Variants in NUP88 observed in about 807,000 individuals in gnomAD.
The protein encoded by NUP88 is nuclear pore complex protein Nup88.
In NUP88, 57 loss-of-function variants were observed where a neutral mutation model predicts 93.9. The ratio of observed to expected loss-of-function variants is 0.61; its 90% CI spans 0.49 to 0.76. The LOEUF (loss-of-function observed/expected upper bound fraction) is 0.76. Among genes scored for constraint, NUP88 ranks in the 30% least tolerant of loss-of-function variants. NUP88 has a pLI of 0.00. For synonymous variants in NUP88, 346 were observed against 336.8 expected (o/e 1.03, Z -0.30); for missense variants, 911 against 901.0 (o/e 1.01, Z -0.14).
At chr17:5,388,667 T>C (rs1043902543) in intron 11 of NUP88, 135 bp downstream of exon 11, 1 of 742,066 alleles carries the variant, frequency 1.3e-6, no homozygotes, top group Non-Finnish European at 2.1e-6. Context: ...CACTAGCTGA[T>C]CAAATATATC....
intron 6 of NUP88, among the ~76,000 whole-genome samples, chr17:5,404,846 C>G (rs904185632): frequency 6.6e-6 from 1 of 152,218 alleles, no homozygotes; most frequent in Non-Finnish European, 1.5e-5. Context: ...AACATGCAGA[C>G]TGGTGGACCA....
chr17:5,387,679 A>T lies in NUP88; in HGVS notation c.1770-9T>A. On this transcript the variant is annotated splice_polypyrimidine_tract_variant and intron_variant, in intron 12 of 16. Coordinates refer to ENST00000573584, the MANE Select transcript of NUP88 (RefSeq NM_002532.6). Reference sequence around the variant, plus strand: ...CACATAATAATTTGACCCTTTAAAAACAAAAAGAAATAGAGTTTATTCAGA... The same window carrying T: ...CACATAATAATTTGACCCTTTAAAATCAAAAAGAAATAGAGTTTATTCAGA... 1 of 1,611,338 alleles carries T rather than the reference A, an allele frequency of 6.2e-7. No individual in the cohort carries two copies. Among genetic ancestry groups the T allele is most frequent in the Non-Finnish European group, 8.5e-7 (1 of 1,178,720 alleles).
In NUP88 at chr17:5,410,690, A is replaced by C. The variant is rs1913786468; in HGVS notation, c.680+13T>G. ...AATTAAAAAACCATTTCAAGACTCA[A>C]ATAAAAACTTACCCTTTATTGAGTA... On this transcript the variant is annotated intron_variant, in intron 4 of 16. Transcript: ENST00000573584. 4 of 1,512,602 alleles carry C rather than the reference A, an allele frequency of 2.6e-6. No homozygotes were observed. Among genetic ancestry groups the C allele is most frequent in the Non-Finnish European group, 3.6e-6 (4 of 1,101,220 alleles). The allele number at this position is 1,512,602 out of a possible 1,614,324, so 93.7% of individuals were successfully genotyped here. A position where few individuals can be genotyped will look rare whatever the true frequency, so the allele number is the denominator to read the frequency against.
At chr17:5,388,579 C>T (rs1912205325) in intron 11 of NUP88, 3 of 426,338 alleles carry the variant, frequency 7.0e-6, no homozygotes, top group Non-Finnish European at 8.3e-6. Flanking sequence ...TGAGCCACCA[C>T]GCCCGGCCTA....
intron 3 of NUP88, among the ~76,000 whole-genome samples, chr17:5,412,965 A>C (rs1913927003): frequency 6.6e-6 from 1 of 152,150 alleles, no homozygotes; most frequent in East Asian, 1.9e-4. Flanking sequence ...TGATCCCACA[A>C]AACACAGGTC....
chr17:5,410,199 TTCC>T (rs1280095833), intron 4 of NUP88, among the ~76,000 whole-genome samples: 9 of 152,242 alleles, frequency 5.9e-5, no homozygotes, highest in Non-Finnish European at 1.2e-4. Flanking sequence ...TTTCATTTTC[TTCC>T]TAATACTTTG....
intron 1 of NUP88, 26 bp from the exon 2 acceptor site, chr17:5,416,708 CAT>C (rs774906170): frequency 6.3e-7 from 1 of 1,576,424 alleles, no homozygotes; most frequent in South Asian, 1.2e-5. Context: ...AACCAGTCAA[CAT>C]AGTTAATTTT....
Position 5,386,011 on chromosome 17 carries a change from G to A in NUP88, c.*195C>T. 1.9e-6 allele frequency: 1 copy of A among 530,524 alleles called. No homozygotes were observed. Among genetic ancestry groups the A allele is most frequent in the African/African-American group, 2.0e-5 (1 of 50,820 alleles). The allele number at this position is 530,524 out of a possible 1,614,324, so 32.9% of individuals were successfully genotyped here. A position where few individuals can be genotyped will look rare whatever the true frequency, so the allele number is the denominator to read the frequency against. On this transcript the variant is annotated 3_prime_UTR_variant, in exon 17 of 17. Coordinates refer to ENST00000573584, the MANE Select transcript of NUP88 (RefSeq NM_002532.6). Reference sequence around the variant, plus strand: ...CCTTGCTGAACACAACTGTAGGCTTGAGTTATAAAGCACATTCCAAATTTT... The same window carrying A: ...CCTTGCTGAACACAACTGTAGGCTTAAGTTATAAAGCACATTCCAAATTTT...
chr17:5,415,065 G>C (rs1914060535), intron 2 of NUP88, among the ~76,000 whole-genome samples: 2 of 151,576 alleles, frequency 1.3e-5, no homozygotes, highest in Admixed American at 1.3e-4. Context: ...TGTGGCCCAA[G>C]CTGGAGTGCA....
chr17:5,407,853 C>T (rs1913588321), intron 5 of NUP88, among the ~76,000 whole-genome samples: 3 of 152,066 alleles, frequency 2.0e-5, no homozygotes, highest in Admixed American at 2.0e-4. Flanking sequence ...GTTCTATTAC[C>T]ACCCAAGTTC....
intron 6 of NUP88, 106 bp from the exon 7 acceptor site, chr17:5,404,352 C>T: frequency 5.2e-6 from 6 of 1,143,708 alleles, no homozygotes; most frequent in Non-Finnish European, 7.6e-6. Flanking sequence ...GCTGTTCTTG[C>T]CTGTAATCCC....
At chr17:5,414,221 GTT>G in intron 2 of NUP88, 87 bp from the exon 3 acceptor site, 1 of 1,233,472 alleles carries the variant, frequency 8.1e-7, no homozygotes, top group Non-Finnish European at 1.1e-6. Flanking sequence ...TGCAGATGGA[GTT>G]TCTCTCTTGT....
chr17:5,386,837 A>T lies in NUP88; in HGVS notation c.2044-11T>A. On this transcript the variant is annotated splice_polypyrimidine_tract_variant and intron_variant, in intron 15 of 16. Transcript: ENST00000573584. The stretch of plus-strand genomic sequence containing the variant: ...CTTTTTCATAGTAACCTTAAGTATT[A>T]AAATAATAGATATTTTGGCAGTGGT... 6.3e-7 allele frequency: 1 copy of T among 1,595,810 alleles called. No homozygotes were observed. The highest frequency in any genetic ancestry group is 8.6e-7 in the Non-Finnish European group (1 of 1,163,654).
At chr17:5,386,960 T>C in intron 15 of NUP88, 24 bp downstream of exon 15, 1 of 1,605,294 alleles carries the variant, frequency 6.2e-7, no homozygotes, top group Non-Finnish European at 8.5e-7. Context: ...TTACCAAATT[T>C]AGCTAGTTTG....
intron 9 of NUP88, among the ~76,000 whole-genome samples, chr17:5,393,246 C>A (rs1306789747): frequency 2.0e-5 from 3 of 150,764 alleles, no homozygotes; most frequent in Admixed American, 6.6e-5. Context: ...TGAGCCACCA[C>A]GCCTGGCCTC....
chr17:5,396,354 C>G (rs8077933), intron 8 of NUP88, among the ~76,000 whole-genome samples: 66,478 of 152,132 alleles, frequency 0.44, 15,297 homozygotes, highest in East Asian at 0.84. Context: ...TGTCTCTGTA[C>G]ATTTGTCTAT....
At position 5,417,391 on chromosome 17, in the gene NUP88, CCT is replaced by C. The variant is rs147891238; in HGVS notation, c.298-711_298-710del. 4.2e-3 allele frequency among the ~76,000 whole-genome samples: 644 copies of C among 152,294 alleles called. 4 individuals are homozygous for C. Among genetic ancestry groups the C allele is most frequent in the Non-Finnish European group, 5.4e-3 (370 of 68,026 alleles). On this transcript the variant is annotated intron_variant, in intron 1 of 16. Transcript: ENST00000573584. ...GCTGAGGTGGGAGGATCACTCGACCCCTGACAGTAGAGGCTCCAATGAGCCGT... is the reference window on the plus strand; with the variant it reads ...GCTGAGGTGGGAGGATCACTCGACCCGACAGTAGAGGCTCCAATGAGCCGT...
intron 1 of NUP88, among the ~76,000 whole-genome samples, chr17:5,418,465 G>A (rs1370157686): frequency 6.6e-6 from 1 of 152,074 alleles, no homozygotes; most frequent in Non-Finnish European, 1.5e-5. Flanking sequence ...TGTTGGCCAG[G>A]CTGGTCTCGA....
At position 5,385,019 on chromosome 17, in the gene NUP88, C is replaced by A. The variant is rs182298386; in HGVS notation, c.*1187G>T. The A allele has an allele frequency of 5.2e-5, 12 of 228,876 alleles. No homozygotes were observed. Among genetic ancestry groups the A allele is most frequent in the African/African-American group, 2.4e-4 (11 of 45,200 alleles). 14.2% of individuals were successfully genotyped at this position (228,876 alleles called of 1,614,324 possible). ...GAACTAGAGCTTGCAGTGAAGTGTT[C>A]TGCTGAGACTGAGCACCTTACAGAT... On this transcript the variant is annotated 3_prime_UTR_variant, in exon 17 of 17. Coordinates refer to ENST00000573584, the MANE Select transcript of NUP88 (RefSeq NM_002532.6).
Sources: allele counts gnomAD v4.1 joint callset (sites outside exome capture counted in the v4.1 genomes callset), GRCh38; gene constraint gnomAD v4.1.1; transcripts MANE v1.5; gene names NCBI Gene and HGNC (gene_info 2026-07-23, HGNC 2026-07-21).